Variants in SUMF1 observed in about 807,000 individuals in gnomAD.
SUMF1 encodes the protein formylglycine-generating enzyme.
Under a neutral mutation model 47.6 loss-of-function variants are expected in SUMF1, and 48 were observed. That is an observed-to-expected ratio of 1.01 (90% CI 0.80 to 1.28). The LOEUF (loss-of-function observed/expected upper bound fraction) is 1.28, where lower values mean the gene tolerates loss of function less well. Among genes scored for constraint, SUMF1 ranks in the 50% most tolerant of loss-of-function variants. The pLI is 0.00. For synonymous variants in SUMF1, 230 were observed against 192.1 expected, an observed-to-expected ratio of 1.20 and a Z score of -1.63; for missense variants, 571 against 485.4, an observed-to-expected ratio of 1.18 and a Z score of -1.66.
intron 8 of SUMF1, among the ~76,000 whole-genome samples, chr3:4,341,709 T>C (rs982907466): frequency 4.6e-5 from 7 of 152,196 alleles, no homozygotes; most frequent in Non-Finnish European, 1.0e-4. Flanking sequence ...TTTAAAAAAA[T>C]TTGTATTTCT....
At chr3:4,284,511 G>T (rs1349196272) in intron 8 of SUMF1, among the ~76,000 whole-genome samples, 1 of 150,772 alleles carries the variant, frequency 6.6e-6, no homozygotes, top group Non-Finnish European at 1.5e-5. Context: ...AAAAGAAGGG[G>T]CTTGCCTTGC....
At chr3:4,266,177 T>C (rs2125029279) in intron 8 of SUMF1, among the ~76,000 whole-genome samples, 2 of 152,324 alleles carry the variant, frequency 1.3e-5, no homozygotes, top group South Asian at 4.1e-4. Flanking sequence ...GCCTCCAGCT[T>C]TGTTCTTTTG....
intron 8 of SUMF1, among the ~76,000 whole-genome samples, chr3:4,194,696 T>C (rs181736925): frequency 6.6e-5 from 10 of 152,310 alleles, no homozygotes; most frequent in Non-Finnish European, 1.2e-4. Context: ...AAACAGTCAA[T>C]AAATTTTAGC....
At chr3:4,392,848 C>T (rs920987697) in intron 7 of SUMF1, among the ~76,000 whole-genome samples, 4 of 142,062 alleles carry the variant, frequency 2.8e-5, no homozygotes, top group Non-Finnish European at 6.4e-5. Context: ...TTTTTCAATT[C>T]CATTGAGGTC....
intron 8 of SUMF1, among the ~76,000 whole-genome samples, chr3:4,083,732 T>C (rs1253129751): frequency 6.6e-6 from 1 of 151,930 alleles, no homozygotes; most frequent in Non-Finnish European, 1.5e-5. Context: ...TGTGACATCA[T>C]GCCTATCCTC....
chr3:4,243,637 G>T (rs1166048903), intron 8 of SUMF1, among the ~76,000 whole-genome samples: 2 of 152,052 alleles, frequency 1.3e-5, no homozygotes, highest in African/African-American at 4.8e-5. Context: ...AGAGTTTGTT[G>T]TGATTTCTGT....
chr3:4,225,519 T>C (rs1696154546), intron 8 of SUMF1, among the ~76,000 whole-genome samples: 1 of 152,124 alleles, frequency 6.6e-6, no homozygotes, highest in African/African-American at 2.4e-5. Context: ...GCCTCCAACT[T>C]GACCAGATAG....
At chr3:4,458,020 G>C (rs1482386902) in intron 1 of SUMF1, among the ~76,000 whole-genome samples, 1 of 152,066 alleles carries the variant, frequency 6.6e-6, no homozygotes, top group African/African-American at 2.4e-5. Context: ...AATATATAAG[G>C]AATTCAAATC....
At position 4,189,559 on chromosome 3, in the gene SUMF1, T is replaced by C. The variant is rs1574963859; in HGVS notation, c.1015-120814A>G. ...TAATACCTACTAAATAGGGTTTCAGTTCAGCTAAGAGACTGCTGATGGGTT... is the reference window on the plus strand; with the variant it reads ...TAATACCTACTAAATAGGGTTTCAGCTCAGCTAAGAGACTGCTGATGGGTT... On this transcript the variant is annotated intron_variant and NMD_transcript_variant, in intron 8 of 12. Coordinates refer to the SUMF1 transcript ENST00000448413. 2.6e-5 allele frequency among the ~76,000 whole-genome samples: 4 copies of C among 152,222 alleles called. 1 individual carries two copies. Among genetic ancestry groups the C allele is most frequent in the African/African-American group, 9.6e-5 (4 of 41,538 alleles).
chr3:4,331,645 A>G lies in SUMF1; in HGVS notation c.1014+44685T>C, dbSNP rs534764120. ...GAGTTCAAGTCCAGACTATGCCAAC[A>G]TGGTGAAACCCTGTCTCTACTAAAA... On this transcript the variant is annotated intron_variant and NMD_transcript_variant, in intron 8 of 12. Transcript: ENST00000448413. Among the ~76,000 whole-genome samples, 6 of 152,332 alleles carry G rather than the reference A, an allele frequency of 3.9e-5. No individual in the cohort carries two copies. In the East Asian group the frequency reaches 1.2e-3, roughly 29 times the overall value.
At chr3:4,254,044 C>A (rs545256131) in intron 8 of SUMF1, among the ~76,000 whole-genome samples, 1,665 of 150,656 alleles carry the variant, frequency 0.011, 36 homozygotes, top group Non-Finnish European at 0.018. Context: ...AGACCTGCAG[C>A]TGAGGGTCCT....
intron 8 of SUMF1, among the ~76,000 whole-genome samples, chr3:4,340,638 G>T (rs529419027): frequency 6.6e-5 from 10 of 152,302 alleles, no homozygotes; most frequent in African/African-American, 2.4e-4. Flanking sequence ...GGAGGAGCTT[G>T]CACTAATGAA....
At chr3:4,362,325 A>C in intron 8 of SUMF1, 71 bp from the exon 9 acceptor site, 1 of 1,262,622 alleles carries the variant, frequency 7.9e-7, no homozygotes, top group Non-Finnish European at 1.2e-6. Context: ...CATCAGATGC[A>C]TATTGCACCG....
chr3:4,328,270 T>C (rs980962873), intron 8 of SUMF1, among the ~76,000 whole-genome samples: 10 of 152,136 alleles, frequency 6.6e-5, no homozygotes, highest in African/African-American at 2.4e-4. Context: ...ATTTATTAAA[T>C]AAATTAAGCA....
At chr3:4,036,613 C>T (rs1411809378) in intron 9 of SUMF1, among the ~76,000 whole-genome samples, 1 of 24,924 alleles carries the variant, frequency 4.0e-5, no homozygotes, top group Non-Finnish European at 8.6e-5. Context: ...AGAAATGAAT[C>T]CATTAAAAAA....
chr3:4,395,498 A>T (rs1262110845), intron 7 of SUMF1, among the ~76,000 whole-genome samples: 2 of 152,200 alleles, frequency 1.3e-5, no homozygotes, highest in Non-Finnish European at 2.9e-5. Flanking sequence ...TGAGAGGAAA[A>T]GGTGACGCCC....
intron 8 of SUMF1, among the ~76,000 whole-genome samples, chr3:4,085,571 A>T (rs1013547468): frequency 6.6e-6 from 1 of 152,116 alleles, no homozygotes; most frequent in Admixed American, 6.6e-5. Context: ...TTTGTCACTC[A>T]TAGTCAGTCT....
In SUMF1 at chr3:4,166,586, C is replaced by T. The variant is rs113937972; in HGVS notation, c.1015-97841G>A. Among the ~76,000 whole-genome samples, 35 of 152,174 alleles carry T rather than the reference C, an allele frequency of 2.3e-4. 3 individuals carry two copies. Among genetic ancestry groups the T allele is most frequent in the African/African-American group, 8.2e-4 (34 of 41,506 alleles). On this transcript the variant is annotated intron_variant and NMD_transcript_variant, in intron 8 of 12. Transcript: ENST00000448413. ...GGAGAAACTAGAAGAGCACCAGAGA[C>T]AGGAGTGGTTTTTAGAAGCATGACT...
At chr3:4,418,573 G>A (rs1701793278) in intron 4 of SUMF1, among the ~76,000 whole-genome samples, 1 of 152,290 alleles carries the variant, frequency 6.6e-6, no homozygotes, top group East Asian at 1.9e-4. Flanking sequence ...CAACCTATGG[G>A]CCATATACAC....
Sources: gnomAD v4.1 joint callset for allele counts (sites outside exome capture counted in the v4.1 genomes callset) on GRCh38, gnomAD v4.1.1 for gene constraint, MANE v1.5 for transcripts, NCBI Gene and HGNC (gene_info 2026-07-23, HGNC 2026-07-21) for gene names.